The following ANKRD36B variants were observed in gnomAD, a reference collection of about 807,000 sequenced individuals.
ANKRD36B encodes the protein ankyrin repeat domain-containing protein 36B.
In ANKRD36B, 37 loss-of-function variants were observed where a neutral mutation model predicts 135.7. The observed-to-expected ratio is 0.27, with a 90% CI of 0.21 to 0.36. ANKRD36B has a LOEUF of 0.36. ANKRD36B is among the 10% of genes least tolerant of loss of function. ANKRD36B has a pLI of 1.00. For synonymous variants in ANKRD36B, 179 were observed against 348.1 expected, an observed-to-expected ratio of 0.51 and a Z score of 5.41; for missense variants, 549 against 1,037.1, an observed-to-expected ratio of 0.53 and a Z score of 6.46.
intron 20 of ANKRD36B, 39 bp downstream of exon 20, chr2:97,549,380 C>T: frequency 3.3e-6 from 5 of 1,531,886 alleles, no homozygotes; most frequent in Non-Finnish European, 4.4e-6. Flanking sequence ...TCTTATCTAT[C>T]TGGACTGAAC....
At chr2:97,522,184 T>A (rs1426463108) in intron 36 of ANKRD36B, among the ~76,000 whole-genome samples, 1 of 91,340 alleles carries the variant, frequency 1.1e-5, no homozygotes, top group Non-Finnish European at 2.8e-5. Flanking sequence ...TTCATTACAA[T>A]TAAAATCTTC....
chr2:97,587,850 T>A (rs2083128317), intron 1 of ANKRD36B, among the ~76,000 whole-genome samples: 1 of 152,132 alleles, frequency 6.6e-6, no homozygotes, highest in Admixed American at 6.5e-5. Flanking sequence ...AAATACCTTC[T>A]CCTCCCAGGA....
intron 24 of ANKRD36B, among the ~76,000 whole-genome samples, chr2:97,544,405 T>C (rs552535263): frequency 1.1e-5 from 1 of 95,016 alleles, no homozygotes; most frequent in Non-Finnish European, 2.8e-5. Context: ...CAAACATTCA[T>C]CATGCTCTTT....
intron 16 of ANKRD36B, 87 bp downstream of exon 16, chr2:97,553,081 C>G (rs9677087): frequency 0.61 from 916,345 of 1,490,488 alleles, 295,927 homozygotes; most frequent in Non-Finnish European, 0.67. Context: ...GCGAGCCCCC[C>G]ACCCGCCCTG....
At chr2:97,568,615 C>T (rs1414131736) in intron 6 of ANKRD36B, among the ~76,000 whole-genome samples, 3 of 152,164 alleles carry the variant, frequency 2.0e-5, no homozygotes, top group Non-Finnish European at 4.4e-5. Flanking sequence ...ACTCCCTTAA[C>T]AGCTTATCCA....
chr2:97,548,231 C>T (rs1372107367), intron 20 of ANKRD36B, among the ~76,000 whole-genome samples: 1 of 151,780 alleles, frequency 6.6e-6, no homozygotes, highest in Non-Finnish European at 1.5e-5. Flanking sequence ...CTTCACATCT[C>T]TTCAGTGGAA....
chr2:97,565,953 A>C (rs1222197665), intron 6 of ANKRD36B, among the ~76,000 whole-genome samples: 2 of 151,742 alleles, frequency 1.3e-5, no homozygotes, highest in African/African-American at 2.4e-5. Context: ...CTGAGGCAGA[A>C]GTATCACTTG....
At chr2:97,560,964 C>T (rs988142041) in intron 6 of ANKRD36B, 104 bp from the exon 7 acceptor site, 22 of 937,782 alleles carry the variant, frequency 2.3e-5, no homozygotes, top group African/African-American at 4.9e-5. Flanking sequence ...TGTACTCCTG[C>T]CTGTATTACT....
chr2:97,571,310 C>A (rs556910949), intron 6 of ANKRD36B, among the ~76,000 whole-genome samples: 1 of 152,242 alleles, frequency 6.6e-6, no homozygotes, highest in East Asian at 1.9e-4. Context: ...TGTGAACAAC[C>A]ATTGCACTCC....
intron 16 of ANKRD36B, among the ~76,000 whole-genome samples, chr2:97,551,901 A>T (rs972485589): frequency 7.9e-5 from 12 of 151,944 alleles, no homozygotes; most frequent in Non-Finnish European, 1.5e-4. Context: ...ACAAACATGC[A>T]TCATGCTCTT....
intron 6 of ANKRD36B, among the ~76,000 whole-genome samples, chr2:97,571,273 G>A (rs951758485): frequency 6.6e-6 from 1 of 152,166 alleles, no homozygotes; most frequent in African/African-American, 2.4e-5. Context: ...GAGATCAAAA[G>A]TTTGAGGCTG....
intron 14 of ANKRD36B, among the ~76,000 whole-genome samples, chr2:97,553,922 G>C (rs191554484): frequency 5.9e-5 from 9 of 151,836 alleles, no homozygotes; most frequent in Admixed American, 5.9e-4. Context: ...TATGTTTCCT[G>C]AATCCGAGTA....
intron 20 of ANKRD36B, among the ~76,000 whole-genome samples, chr2:97,548,727 T>A (rs2079739835): frequency 6.6e-6 from 1 of 151,996 alleles, no homozygotes; most frequent in Admixed American, 6.6e-5. Context: ...AAAACATGTA[T>A]CTCTGATGCC....
At chr2:97,547,639 T>G in intron 21 of ANKRD36B, 31 bp from the exon 22 acceptor site, 3 of 1,556,834 alleles carry the variant, frequency 1.9e-6, no homozygotes, top group Non-Finnish European at 2.6e-6. Context: ...AATAATAAAT[T>G]AATAAAGTAT....
At chr2:97,560,325 T>C (rs2080906816) in intron 8 of ANKRD36B, among the ~76,000 whole-genome samples, 1 of 151,908 alleles carries the variant, frequency 6.6e-6, no homozygotes, top group Non-Finnish European at 1.5e-5. Flanking sequence ...ATGCCTATAA[T>C]ATCTATTACT....
intron 10 of ANKRD36B, among the ~76,000 whole-genome samples, chr2:97,557,525 G>A (rs1312404418): frequency 2.6e-5 from 4 of 151,842 alleles, no homozygotes; most frequent in East Asian, 1.9e-4. Flanking sequence ...AGACATCAGA[G>A]GGATTTATAC....
Position 97,551,356 on chromosome 2 carries a change from T to C in ANKRD36B, c.1308A>G (p.Thr436=). The part of the protein sequence containing the change: ...SSQKKPALKA[T]SDEKDSFSNI... ...TCGAAAAAGAATCTTTCTCATCACT[T>C]GTGGCCTGAATGGAATTTGAAACAA... is the stretch of plus-strand genomic sequence containing the variant. Residue 436 remains threonine (T), a synonymous_variant, in exon 18 of 44, where the codon ACA becomes ACG. Coordinates refer to ENST00000359901, the MANE Select transcript of ANKRD36B (RefSeq NM_001393939.1). 1.3e-6 allele frequency: 2 copies of C among 1,596,524 alleles called. No individual in the cohort carries two copies. The highest frequency in any genetic ancestry group is 2.7e-5 in the African/African-American group (2 of 74,642).
chr2:97,568,802 C>T (rs2081625878), intron 6 of ANKRD36B, among the ~76,000 whole-genome samples: 1 of 152,032 alleles, frequency 6.6e-6, no homozygotes, highest in Non-Finnish European at 1.5e-5. Flanking sequence ...AAAACAACAA[C>T]AACAACAACA....
At chr2:97,551,905 T>G (rs1384629155) in intron 16 of ANKRD36B, among the ~76,000 whole-genome samples, 2 of 151,974 alleles carry the variant, frequency 1.3e-5, no homozygotes, top group African/African-American at 4.8e-5. Flanking sequence ...ACATGCATCA[T>G]GCTCTTTAAC....
Sources: gnomAD v4.1 joint callset for allele counts (sites outside exome capture counted in the v4.1 genomes callset) on GRCh38, gnomAD v4.1.1 for gene constraint, MANE v1.5 for transcripts, NCBI Gene and HGNC (gene_info 2026-07-23, HGNC 2026-07-21) for gene names.